The following SLC5A4 variants were observed in gnomAD, a reference collection of about 807,000 sequenced individuals.
The protein encoded by SLC5A4 is probable glucose sensor protein SLC5A4.
SLC5A4 carries 55 observed loss-of-function variants against 70.3 expected under a neutral mutation model. The ratio of observed to expected loss-of-function variants is 0.78; its 90% CI spans 0.63 to 0.98. The LOEUF (loss-of-function observed/expected upper bound fraction) is 0.98, where lower values mean the gene tolerates loss of function less well. SLC5A4 is among the 50% of genes least tolerant of loss of function. The probability of loss-of-function intolerance (pLI) is 0.00; values close to 1 mark genes in which losing one functional copy is unlikely to be tolerated. For synonymous variants in SLC5A4, 268 were observed against 305.7 expected (o/e 0.88, Z 1.29); for missense variants, 735 against 839.2 (o/e 0.88, Z 1.53).
chr22:32,320,072 GAAGA>G, the SLC5A4 span, among the ~76,000 whole-genome samples: 1 of 152,170 alleles, frequency 6.6e-6, no homozygotes, highest in East Asian at 1.9e-4. Context: ...CAGTTGCCAA[GAAGA>G]AAGAGAGAAA....
chr22:32,302,750 G>C, the SLC5A4 span, among the ~76,000 whole-genome samples: 1 of 152,298 alleles, frequency 6.6e-6, no homozygotes, highest in Non-Finnish European at 1.5e-5. Context: ...ATTGGGTTGA[G>C]TGATTACCCC....
the SLC5A4 span, among the ~76,000 whole-genome samples, chr22:32,325,389 G>T: frequency 1.9e-4 from 28 of 149,390 alleles, no homozygotes; most frequent in South Asian, 1.8e-3. Context: ...AAAAGTGATC[G>T]GGAGCAGCCA....
intron 8 of SLC5A4, among the ~76,000 whole-genome samples, chr22:32,233,990 T>C (rs532688531): frequency 1.3e-5 from 2 of 152,130 alleles, no homozygotes; most frequent in Admixed American, 6.5e-5. Context: ...TTGACAGCTA[T>C]TGGGAGGATG....
At chr22:32,345,958 G>A in the SLC5A4 span, among the ~76,000 whole-genome samples, 32,021 of 152,008 alleles carry the variant, frequency 0.21, 3,819 homozygotes, top group East Asian at 0.48. Context: ...CCAAGAAAAG[G>A]CTAAAACATT....
At chr22:32,314,294 T>C in the SLC5A4 span, among the ~76,000 whole-genome samples, 81 of 152,290 alleles carry the variant, frequency 5.3e-4, no homozygotes, top group East Asian at 0.015. Flanking sequence ...TTGAATAATT[T>C]ATTGTTTGTC....
the SLC5A4 span, chr22:32,270,668 C>T: frequency 1.6e-5 from 11 of 708,320 alleles, no homozygotes; most frequent in East Asian, 5.2e-5. Context: ...GTCCAAGTGT[C>T]GCTGCTGGGC....
chr22:32,243,973 A>C lies in SLC5A4; in HGVS notation c.477+3438T>G, dbSNP rs116528834. ...CACTGCACTCCAGCCTGGAAGATAG[A>C]GTGAGACTCTGTCTCTGTTTCTGTG... is the stretch of plus-strand genomic sequence containing the variant. On this transcript the variant is annotated intron_variant, in intron 5 of 14. Transcript: ENST00000266086. Among the ~76,000 whole-genome samples, 1,125 of 152,310 alleles carry C rather than the reference A, an allele frequency of 7.4e-3. 18 individuals are homozygous for C. The highest frequency in any genetic ancestry group is 0.023 in the African/African-American group (957 of 41,566).
the SLC5A4 span, among the ~76,000 whole-genome samples, chr22:32,273,832 T>C: frequency 0.27 from 41,671 of 151,892 alleles, 5,691 homozygotes; most frequent in East Asian, 0.33. Flanking sequence ...CTCCAAATAC[T>C]TTAAATGCTA....
the SLC5A4 span, among the ~76,000 whole-genome samples, chr22:32,354,231 C>G: frequency 6.9e-6 from 1 of 145,286 alleles, no homozygotes; most frequent in African/African-American, 2.6e-5. Context: ...CCCAGTAGCA[C>G]TCCCAATAAA....
the SLC5A4 span, among the ~76,000 whole-genome samples, chr22:32,318,264 ACT>A: frequency 3.4e-5 from 5 of 148,668 alleles, no homozygotes; most frequent in African/African-American, 1.0e-4. Context: ...CTGGAATTTC[ACT>A]CTGTCACCCA....
intron 5 of SLC5A4, among the ~76,000 whole-genome samples, chr22:32,240,355 A>C (rs1926444542): frequency 6.6e-6 from 1 of 151,908 alleles, no homozygotes; most frequent in Non-Finnish European, 1.5e-5. Context: ...TGGGAAGTAC[A>C]TTTTCTTATC....
the SLC5A4 span, among the ~76,000 whole-genome samples, chr22:32,338,610 A>C: frequency 6.6e-6 from 1 of 152,246 alleles, no homozygotes; most frequent in South Asian, 2.1e-4. Flanking sequence ...GAGAGGCTGT[A>C]GTGAGCCAAG....
chr22:32,316,931 A>ACT, the SLC5A4 span, among the ~76,000 whole-genome samples: 3 of 66,524 alleles, frequency 4.5e-5, no homozygotes, highest in African/African-American at 2.3e-4. Flanking sequence ...CTAATTAACA[A>ACT]CTCTGTGTGT....
At chr22:32,279,240 C>T in the SLC5A4 span, among the ~76,000 whole-genome samples, 1 of 152,258 alleles carries the variant, frequency 6.6e-6, no homozygotes. Flanking sequence ...TGCGCCGCTG[C>T]ATTCCAGCCT....
At chr22:32,274,089 G>C in the SLC5A4 span, among the ~76,000 whole-genome samples, 1 of 151,182 alleles carries the variant, frequency 6.6e-6, no homozygotes, top group South Asian at 2.1e-4. Context: ...ACCCAGGCTG[G>C]AGTGCAGTGG....
At chr22:32,330,164 TTGTG>T in the SLC5A4 span, among the ~76,000 whole-genome samples, 75 of 120,554 alleles carry the variant, frequency 6.2e-4, no homozygotes, top group African/African-American at 1.8e-3. Flanking sequence ...GGGGACTCTG[TTGTG>T]TGTGTGTTGG....
chr22:32,346,358 T>TA, the SLC5A4 span, among the ~76,000 whole-genome samples: 7 of 152,148 alleles, frequency 4.6e-5, no homozygotes, highest in Admixed American at 6.6e-5. Flanking sequence ...AAAACTACTT[T>TA]AAGTTCATAT....
At chr22:32,320,860 G>A in the SLC5A4 span, among the ~76,000 whole-genome samples, 2 of 152,188 alleles carry the variant, frequency 1.3e-5, no homozygotes, top group African/African-American at 4.8e-5. Context: ...CCGCGAAGGG[G>A]ACTCACCACC....
At chr22:32,338,467 CAG>C in the SLC5A4 span, among the ~76,000 whole-genome samples, 1 of 152,130 alleles carries the variant, frequency 6.6e-6, no homozygotes, top group Non-Finnish European at 1.5e-5. Flanking sequence ...CTGGCTGACA[CAG>C]TGAACCTCCC....
Sources: gnomAD v4.1 joint callset for allele counts (sites outside exome capture counted in the v4.1 genomes callset) on GRCh38, gnomAD v4.1.1 for gene constraint, MANE v1.5 for transcripts, NCBI Gene and HGNC (gene_info 2026-07-23, HGNC 2026-07-21) for gene names.